Variants in COL18A1 observed in about 807,000 individuals in gnomAD.
COL18A1 encodes collagen type XVIII alpha 1 chain.
In COL18A1, 133 loss-of-function variants were observed where a neutral mutation model predicts 168.0. The ratio of observed to expected loss-of-function variants is 0.79; its 90% CI spans 0.69 to 0.91. The LOEUF (loss-of-function observed/expected upper bound fraction) is 0.91. Ranked by LOEUF, COL18A1 falls within the 40% of genes least tolerant of loss-of-function variation. The pLI is 0.00. For missense variants in COL18A1, 2,126 were observed against 1,925.4 expected, an observed-to-expected ratio of 1.10 and a Z score of -1.95; for synonymous variants, 949 against 809.0, an observed-to-expected ratio of 1.17 and a Z score of -2.94.
intron 2 of COL18A1, among the ~76,000 whole-genome samples, chr21:45,449,895 G>A (rs8133495): frequency 1.3e-5 from 2 of 152,310 alleles, no homozygotes; most frequent in South Asian, 4.1e-4. Context: ...TGATAAAGCT[G>A]CCTTTATCAT....
intron 2 of COL18A1, among the ~76,000 whole-genome samples, chr21:45,412,408 T>A (rs1033356739): frequency 6.6e-6 from 1 of 151,874 alleles, no homozygotes; most frequent in African/African-American, 2.4e-5. Flanking sequence ...GGCTAATTTT[T>A]TTTTTTTTTT....
chr21:45,504,604 T>A, intron 34 of COL18A1, 48 bp downstream of exon 34: 1 of 1,528,318 alleles, frequency 6.5e-7, no homozygotes, highest in Non-Finnish European at 8.9e-7. Context: ...GGGGTCTGGG[T>A]GCAGGAGCCG....
In COL18A1 at chr21:45,455,979, G is replaced by A. The variant is rs2034789709; in HGVS notation, c.107-12263G>A. ...ACCCTGGTCCTGGAGACTCCTGTGG[G>A]CCCCCTTGCCCTCGCTGGGCCTTCC... On this transcript the variant is annotated intron_variant, in intron 2 of 41. Coordinates refer to ENST00000651438, the MANE Select transcript of COL18A1 (RefSeq NM_001379500.1). 3 of 1,612,848 alleles carry A rather than the reference G, an allele frequency of 1.9e-6. No homozygotes were observed. Among genetic ancestry groups the A allele is most frequent in the African/African-American group, 1.3e-5 (1 of 74,920 alleles).
intron 2 of COL18A1, among the ~76,000 whole-genome samples, chr21:45,446,078 G>A (rs1465323615): frequency 6.6e-6 from 1 of 152,080 alleles, no homozygotes; most frequent in Non-Finnish European, 1.5e-5. Context: ...TTTTATTTAA[G>A]AGCTAAAATA....
In COL18A1 at chr21:45,480,832, G is replaced by T. The variant is rs2145938023; in HGVS notation, c.1585G>T (p.Gly529Cys). Residue 529 changes from glycine to cysteine, a missense_variant, in exon 13 of 42, where the codon GGT becomes TGT. Transcript: ENST00000651438. ...CCTTCCTGGTGTGCCTGGGCGCGAGGGTCCCCCCGGGTTTCCTGGCCTCCC... is the reference window on the plus strand; with the variant it reads ...CCTTCCTGGTGTGCCTGGGCGCGAGTGTCCCCCCGGGTTTCCTGGCCTCCC... The part of the protein sequence containing the change: ...AGLPGVPGRE[G>C]PPGFPGLPGP... The T allele has an allele frequency of 6.2e-7, 1 of 1,611,428 alleles. No homozygotes were observed. Among genetic ancestry groups the T allele is most frequent in the Non-Finnish European group, 8.5e-7 (1 of 1,179,534 alleles).
chr21:45,457,313 C>A lies in COL18A1; in HGVS notation c.107-10929C>A, dbSNP rs532880817. 6.6e-6 allele frequency among the ~76,000 whole-genome samples: 1 copy of A among 152,332 alleles called. No individual in the cohort carries two copies. The highest frequency in any genetic ancestry group is 1.9e-4 in the East Asian group (1 of 5,186). On this transcript the variant is annotated intron_variant, in intron 2 of 41. Coordinates refer to ENST00000651438, the MANE Select transcript of COL18A1 (RefSeq NM_001379500.1). The surrounding 1 kb of genome is among the most constrained non-coding windows in gnomAD (Gnocchi z 4.6). ...TCACTAAGCTGCACGGTTCGATGCG[C>A]TTCCTGGGAGCCCCAGCGTGCTCGG...
intron 2 of COL18A1, among the ~76,000 whole-genome samples, chr21:45,427,502 G>A (rs35015575): frequency 0.12 from 18,449 of 152,176 alleles, 1,200 homozygotes; most frequent in African/African-American, 0.15. Flanking sequence ...CATGGGCTCC[G>A]CCTCCCCCAG....
chr21:45,459,258 G>T (rs900750537), intron 2 of COL18A1, among the ~76,000 whole-genome samples: 2 of 152,182 alleles, frequency 1.3e-5, no homozygotes, highest in Non-Finnish European at 2.9e-5. Context: ...CCCTATGTTG[G>T]GCTGGACACT....
At chr21:45,499,767 A>T (rs991275384) in intron 32 of COL18A1, among the ~76,000 whole-genome samples, 2 of 152,206 alleles carry the variant, frequency 1.3e-5, no homozygotes, top group Admixed American at 1.3e-4. Flanking sequence ...ACTGGTGGAG[A>T]GGCAGGAGGG....
chr21:45,494,952 G>C (rs1043079598), intron 28 of COL18A1, 37 bp downstream of exon 28: 4 of 1,582,920 alleles, frequency 2.5e-6, no homozygotes, highest in Admixed American at 3.4e-5. Flanking sequence ...GCGGCAGATG[G>C]GGTCTGGCAG....
At position 45,460,502 on chromosome 21, in the gene COL18A1, G is replaced by A. The variant is rs146832518; in HGVS notation, c.107-7740G>A. Among the ~76,000 whole-genome samples, 191 of 152,298 alleles carry A rather than the reference G, an allele frequency of 1.3e-3. 3 individuals carry two copies. Among genetic ancestry groups the A allele is most frequent in the Middle Eastern group, 3.4e-3 (1 of 294 alleles). Reference sequence around the variant, plus strand: ...TCAGTGGGAGGCCACGGGAGTGCACGTGAAGGTCATGTCACCATGATGGCC... The same window carrying A: ...TCAGTGGGAGGCCACGGGAGTGCACATGAAGGTCATGTCACCATGATGGCC... On this transcript the variant is annotated intron_variant, in intron 2 of 41. Transcript: ENST00000651438.
chr21:45,467,398 G>C, intron 2 of COL18A1: 1 of 985,240 alleles, frequency 1.0e-6, no homozygotes, highest in Non-Finnish European at 1.2e-6. Flanking sequence ...CGGGGCTGGT[G>C]GGGAGACTGT....
intron 2 of COL18A1, among the ~76,000 whole-genome samples, chr21:45,438,318 ACT>A (rs545436980): frequency 9.2e-5 from 9 of 98,300 alleles, no homozygotes; most frequent in East Asian, 3.9e-4. Context: ...ACACACAGGC[ACT>A]CTCCTGCACA....
intron 20 of COL18A1, 55 bp from the exon 21 acceptor site, chr21:45,490,781 G>A (rs902423736): frequency 3.3e-6 from 5 of 1,527,806 alleles, no homozygotes; most frequent in African/African-American, 2.8e-5. Context: ...CCTCACGGGG[G>A]GCCAGGGGCT....
Position 45,445,002 on chromosome 21 carries a change from G to A in COL18A1, c.107-23240G>A, listed in dbSNP as rs534642228. Among the ~76,000 whole-genome samples, 6 of 152,244 alleles carry A rather than the reference G, an allele frequency of 3.9e-5. No individual in the cohort carries two copies. The East Asian group carries it at 7.7e-4, about 20-fold the overall frequency. ...TTTATTGAGATGTAATTCACATTCC[G>A]TGCAATTCACTCGAAGTGTACAATC... On this transcript the variant is annotated intron_variant, in intron 2 of 41. Transcript: ENST00000651438.
rs779275726 is a variant in COL18A1 at position 45,505,973 on chromosome 21, GCT to G, written c.3216+10_3216+11del. On this transcript the variant is annotated splice_region_variant and intron_variant, in intron 37 of 41. Coordinates refer to ENST00000651438, the MANE Select transcript of COL18A1 (RefSeq NM_001379500.1). ...CGGGTTCCGGAAGGTCCAGGTGAGC[GCT>G]CTGTGTGACGGGTTCTGGACCCGTG... 1 of 1,613,010 alleles carries G rather than the reference GCT, an allele frequency of 6.2e-7. No individual in the cohort carries two copies. The highest frequency in any genetic ancestry group is 1.7e-5 in the Admixed American group (1 of 60,010).
chr21:45,490,782 G>A (rs1317764330), intron 20 of COL18A1, 54 bp from the exon 21 acceptor site: 2 of 1,531,226 alleles, frequency 1.3e-6, no homozygotes, highest in Non-Finnish European at 1.8e-6. Flanking sequence ...CTCACGGGGG[G>A]CCAGGGGCTC....
At chr21:45,507,642 G>T (rs548016223) in intron 38 of COL18A1, 49 bp downstream of exon 38, 1 of 1,561,596 alleles carries the variant, frequency 6.4e-7, no homozygotes, top group Non-Finnish European at 8.8e-7. Flanking sequence ...AGGACATGAG[G>T]GGGTATGTGC....
chr21:45,405,511 C>T (rs2033067826), intron 2 of COL18A1, 38 bp downstream of exon 2: 2 of 1,236,808 alleles, frequency 1.6e-6, no homozygotes, highest in Admixed American at 3.6e-5. Flanking sequence ...CGCGCCGGTG[C>T]CCGCCGGCCT....
Sources: gnomAD v4.1 joint callset for allele counts (sites outside exome capture counted in the v4.1 genomes callset) on GRCh38, gnomAD v4.1.1 for gene constraint, Gnocchi (gnomAD v3.1) non-coding constraint, MANE v1.5 for transcripts, NCBI Gene and HGNC (gene_info 2026-07-23, HGNC 2026-07-21) for gene names.